The following SUPT3H variants were observed in gnomAD, a reference collection of about 807,000 sequenced individuals.
The protein encoded by SUPT3H is SPT3 homolog, SAGA and STAGA complex component.
A neutral mutation model predicts 44.3 loss-of-function variants in SUPT3H; 44 were observed. The ratio of observed to expected loss-of-function variants is 0.99; its 90% confidence interval spans 0.78 to 1.28. The LOEUF is 1.28. SUPT3H is among the 50% of genes most tolerant of loss of function. The probability of loss-of-function intolerance (pLI) is 0.00; values close to 1 mark genes in which losing one functional copy is unlikely to be tolerated. For missense variants in SUPT3H, 380 were observed against 387.1 expected (o/e 0.98, Z 0.15); for synonymous variants, 124 against 125.6 (o/e 0.99, Z 0.09).
At chr6:45,047,874 T>C (rs1217211769) in intron 3 of SUPT3H, among the ~76,000 whole-genome samples, 1 of 152,128 alleles carries the variant, frequency 6.6e-6, no homozygotes, top group East Asian at 1.9e-4. Context: ...ATATATGTGT[T>C]GGCCATTTCT....
chr6:45,010,219 T>C (rs760615463), intron 5 of SUPT3H, among the ~76,000 whole-genome samples: 6 of 152,164 alleles, frequency 3.9e-5, no homozygotes, highest in South Asian at 2.1e-4. Flanking sequence ...AGTCTATTAG[T>C]TGTAATAGTT....
chr6:45,348,130 T>C (rs563068050), intron 2 of SUPT3H, among the ~76,000 whole-genome samples: 76 of 152,040 alleles, frequency 5.0e-4, no homozygotes, highest in African/African-American at 1.7e-3. Flanking sequence ...CTCATTTCCA[T>C]AGAAATGAGA....
intron 3 of SUPT3H, among the ~76,000 whole-genome samples, chr6:45,032,140 G>A (rs1787036656): frequency 6.6e-6 from 1 of 152,128 alleles, no homozygotes; most frequent in African/African-American, 2.4e-5. Context: ...CCCTCAGTTT[G>A]TCAGAGAAAG....
intron 3 of SUPT3H, among the ~76,000 whole-genome samples, chr6:45,028,725 A>C (rs1257144159): frequency 6.6e-6 from 1 of 152,056 alleles, no homozygotes; most frequent in Non-Finnish European, 1.5e-5. Context: ...ACTATTACTA[A>C]GTAATACATG....
At chr6:45,124,034 A>G (rs947101389) in intron 2 of SUPT3H, among the ~76,000 whole-genome samples, 4 of 152,196 alleles carry the variant, frequency 2.6e-5, no homozygotes, top group Admixed American at 1.3e-4. Context: ...CAGTTTGCCA[A>G]TCCCTGGTAT....
intron 2 of SUPT3H, among the ~76,000 whole-genome samples, chr6:45,188,998 G>T (rs900368956): frequency 2.0e-5 from 3 of 151,912 alleles, no homozygotes; most frequent in African/African-American, 7.3e-5. Flanking sequence ...TAGAGATGAG[G>T]TCTATGTTGC....
intron 2 of SUPT3H, among the ~76,000 whole-genome samples, chr6:45,169,152 C>T (rs987905366): frequency 2.6e-5 from 4 of 152,154 alleles, no homozygotes; most frequent in Non-Finnish European, 5.9e-5. Flanking sequence ...GAGCTGAAAT[C>T]TAGCCCAACT....
intron 3 of SUPT3H, among the ~76,000 whole-genome samples, chr6:45,063,506 A>G (rs1385028652): frequency 1.6e-3 from 184 of 117,750 alleles, no homozygotes; most frequent in African/African-American, 2.6e-3. Flanking sequence ...CGATCAAATT[A>G]CTCTGAGCTA....
chr6:45,249,716 T>C (rs551057115), intron 2 of SUPT3H, among the ~76,000 whole-genome samples: 1 of 152,176 alleles, frequency 6.6e-6, no homozygotes, highest in East Asian at 1.9e-4. Context: ...GCCATGCCAC[T>C]ATTCCTTCAC....
At chr6:45,366,223 ATAAAG>A (rs1304592137) in intron 1 of SUPT3H, among the ~76,000 whole-genome samples, 3 of 152,240 alleles carry the variant, frequency 2.0e-5, no homozygotes, top group Non-Finnish European at 2.9e-5. Context: ...AGAACATATG[ATAAAG>A]TAAAGCAGTG....
rs372614505 is a variant in SUPT3H at position 45,096,615 on chromosome 6, C to CA, written c.186+9306dup. 8.6e-4 allele frequency among the ~76,000 whole-genome samples: 127 copies of CA among 148,448 alleles called. 1 individual carries two copies. Among genetic ancestry groups the CA allele is most frequent in the Middle Eastern group, 3.6e-3 (1 of 280 alleles). ...AACAACAGGTCAAAGAAAGACGAGACAAAAAAAAATGATTTAAGTAAAAAC... is the reference window on the plus strand; with the variant it reads ...AACAACAGGTCAAAGAAAGACGAGACAAAAAAAAAATGATTTAAGTAAAAAC... On this transcript the variant is annotated intron_variant, in intron 3 of 10. Transcript: ENST00000371459.
intron 2 of SUPT3H, among the ~76,000 whole-genome samples, chr6:45,107,279 C>T (rs1011553099): frequency 1.3e-5 from 2 of 152,122 alleles, no homozygotes; most frequent in African/African-American, 4.8e-5. Flanking sequence ...AAAATTTATT[C>T]TGAAGGCATC....
intron 2 of SUPT3H, among the ~76,000 whole-genome samples, chr6:45,341,752 G>C (rs1190696414): frequency 6.6e-6 from 1 of 152,116 alleles, no homozygotes; most frequent in African/African-American, 2.4e-5. Flanking sequence ...CTCAGATTCT[G>C]GTACCCTATC....
chr6:45,069,446 A>G (rs1794030743), intron 3 of SUPT3H, among the ~76,000 whole-genome samples: 1 of 152,138 alleles, frequency 6.6e-6, no homozygotes, highest in Non-Finnish European at 1.5e-5. Flanking sequence ...AAAAGGATGG[A>G]TCTGTGGTCC....
At chr6:45,066,852 AG>A (rs1169523455) in intron 3 of SUPT3H, among the ~76,000 whole-genome samples, 2 of 102,586 alleles carry the variant, frequency 1.9e-5, no homozygotes, top group Non-Finnish European at 3.9e-5. Flanking sequence ...GCTCATGGGT[AG>A]GAAGAATCAA....
chr6:44,882,460 G>A (rs1008784021), intron 10 of SUPT3H, among the ~76,000 whole-genome samples: 1 of 152,100 alleles, frequency 6.6e-6, no homozygotes, highest in Admixed American at 6.5e-5. Context: ...AGAGGTACAA[G>A]GAGGAATTGG....
At chr6:45,330,931 T>A (rs1161916364) in intron 2 of SUPT3H, among the ~76,000 whole-genome samples, 3 of 152,016 alleles carry the variant, frequency 2.0e-5, no homozygotes, top group Non-Finnish European at 4.4e-5. Flanking sequence ...ATGCAAAGCC[T>A]AAAACCTCAC....
intron 3 of SUPT3H, among the ~76,000 whole-genome samples, chr6:45,020,981 G>A (rs749381514): frequency 1.3e-5 from 2 of 151,836 alleles, no homozygotes; most frequent in Non-Finnish European, 2.9e-5. Context: ...GTTTCACTCA[G>A]TATCACTAGT....
At chr6:45,246,570 T>C (rs188852957) in intron 2 of SUPT3H, among the ~76,000 whole-genome samples, 7 of 152,234 alleles carry the variant, frequency 4.6e-5, no homozygotes, top group Admixed American at 4.6e-4. Flanking sequence ...CCTACTAGCA[T>C]GTAAAAAATA....
Sources: gnomAD v4.1 joint callset for allele counts (sites outside exome capture counted in the v4.1 genomes callset) on GRCh38, gnomAD v4.1.1 for gene constraint, MANE v1.5 for transcripts, NCBI Gene and HGNC (gene_info 2026-07-23, HGNC 2026-07-21) for gene names.